Variants in RAB3GAP2 observed in about 807,000 individuals in gnomAD.
The protein encoded by RAB3GAP2 is rab3 GTPase-activating protein non-catalytic subunit.
Under a neutral mutation model 185.3 loss-of-function variants are expected in RAB3GAP2, and 87 were observed. The observed-to-expected ratio is 0.47, with a 90% CI of 0.39 to 0.56. The LOEUF is 0.56. RAB3GAP2 is among the 20% of genes least tolerant of loss of function. The probability of loss-of-function intolerance (pLI) is 0.00; values close to 1 mark genes in which losing one functional copy is unlikely to be tolerated. For missense variants in RAB3GAP2, 1,492 were observed against 1,638.2 expected (o/e 0.91, Z 1.54); for synonymous variants, 554 against 576.1 (o/e 0.96, Z 0.55).
At chr1:220,168,155 C>T (rs1337632851) in intron 24 of RAB3GAP2, among the ~76,000 whole-genome samples, 3 of 152,082 alleles carry the variant, frequency 2.0e-5, no homozygotes, top group Admixed American at 6.5e-5. Flanking sequence ...TGTAGTGGTG[C>T]GATCTCAGCT....
intron 1 of RAB3GAP2, among the ~76,000 whole-genome samples, chr1:220,247,812 C>A (rs1219128622): frequency 6.6e-6 from 1 of 151,690 alleles, no homozygotes; most frequent in African/African-American, 2.4e-5. Flanking sequence ...AAACAGCAAT[C>A]AGCAATAAAA....
chr1:220,179,021 CT>C (rs1658348730), intron 21 of RAB3GAP2, among the ~76,000 whole-genome samples: 1 of 151,606 alleles, frequency 6.6e-6, no homozygotes, highest in South Asian at 2.1e-4. Flanking sequence ...CTAACATAGA[CT>C]GAAAGTGAGG....
In RAB3GAP2 at chr1:220,186,855, A is replaced by T. The variant is rs140126850; in HGVS notation, c.1780-1114T>A. 6.6e-3 allele frequency among the ~76,000 whole-genome samples: 1,001 copies of T among 152,314 alleles called. 12 individuals carry two copies. Among genetic ancestry groups the T allele is most frequent in the African/African-American group, 0.023 (945 of 41,576 alleles). ...TTAGGATAAGAAGAAAGATGGCATA[A>T]AAATGAGAAGAACCGTGTGGGTTAT... On this transcript the variant is annotated intron_variant, in intron 17 of 34. Coordinates refer to ENST00000358951, the MANE Select transcript of RAB3GAP2 (RefSeq NM_012414.4).
intron 1 of RAB3GAP2, among the ~76,000 whole-genome samples, chr1:220,251,427 T>A (rs893372953): frequency 5.9e-5 from 9 of 152,226 alleles, no homozygotes; most frequent in Non-Finnish European, 1.0e-4. Context: ...GATAAACTTT[T>A]GTAAAACAAT....
In RAB3GAP2 at chr1:220,148,638, C is replaced by A. The variant is rs1657671601; in HGVS notation, c.*2613G>T. ...GTGTAAGTCTCATATTATTAAATTT[C>A]AGATTTTTGACTTTTTAGATCGCAA... On this transcript the variant is annotated 3_prime_UTR_variant, in exon 35 of 35. Coordinates refer to ENST00000358951, the MANE Select transcript of RAB3GAP2 (RefSeq NM_012414.4). The A allele has an allele frequency of 6.6e-6, 1 of 152,048 alleles. No homozygotes were observed. The highest frequency in any genetic ancestry group is 2.1e-4 in the South Asian group (1 of 4,820). 9.4% of individuals were successfully genotyped at this position (152,048 alleles called of 1,614,324 possible).
At chr1:220,175,201 T>C (rs1410348225) in intron 21 of RAB3GAP2, among the ~76,000 whole-genome samples, 6 of 152,174 alleles carry the variant, frequency 3.9e-5, no homozygotes, top group Non-Finnish European at 8.8e-5. Flanking sequence ...GGGCCTGTTA[T>C]TAAAGTGCAT....
chr1:220,269,345 A>T (rs1660290590), intron 1 of RAB3GAP2, among the ~76,000 whole-genome samples: 1 of 152,250 alleles, frequency 6.6e-6, no homozygotes, highest in Admixed American at 6.5e-5. Flanking sequence ...AATGGCAGGA[A>T]GCAGAGTCTC....
rs112894499 is a variant in RAB3GAP2, at chr1:220,201,531, G to A, written c.811+745C>T. 1.1e-4 allele frequency among the ~76,000 whole-genome samples: 16 copies of A among 152,024 alleles called. No individual in the cohort carries two copies. The South Asian group carries it at 1.2e-3, about 12-fold the overall frequency. On this transcript the variant is annotated intron_variant, in intron 9 of 34. Coordinates refer to ENST00000358951, the MANE Select transcript of RAB3GAP2 (RefSeq NM_012414.4). ...TTTTGCTTTCTTGAGACAGAGTCTC[G>A]CTCTGTCACCCAGGCTGGAGTGCAG...
rs1313982917 is a variant in RAB3GAP2, at chr1:220,150,200, T to C, written c.*1051A>G. ...AGCGATCCTCCTCCAGCCTCCCGAG[T>C]AGCTATAGTTTGGTTTTAATCAGTA... is the stretch of plus-strand genomic sequence containing the variant. On this transcript the variant is annotated 3_prime_UTR_variant, in exon 35 of 35. Transcript: ENST00000358951. The C allele has an allele frequency of 6.6e-6, 1 of 150,592 alleles. No homozygotes were observed. Among genetic ancestry groups the C allele is most frequent in the African/African-American group, 2.4e-5 (1 of 40,852 alleles). 9.3% of individuals were successfully genotyped at this position (150,592 alleles called of 1,614,324 possible).
intron 2 of RAB3GAP2, among the ~76,000 whole-genome samples, chr1:220,215,935 A>T (rs1359782702): frequency 6.6e-6 from 1 of 152,178 alleles, no homozygotes; most frequent in African/African-American, 2.4e-5. Flanking sequence ...CATTACAAGC[A>T]TTATAAAATT....
At chr1:220,267,616 A>T in intron 1 of RAB3GAP2, 2 of 1,382,320 alleles carry the variant, frequency 1.4e-6, no homozygotes, top group Non-Finnish European at 2.1e-6. Context: ...GACAGCGGGG[A>T]CTGCTTGCTG....
In RAB3GAP2 at chr1:220,191,178, A is replaced by G. The variant is rs1173561219; in HGVS notation, c.1377T>C (p.Ser459=). The G allele has an allele frequency of 2.4e-5, 39 of 1,613,834 alleles. No homozygotes were observed. Among genetic ancestry groups the G allele is most frequent in the Non-Finnish European group, 3.3e-5 (39 of 1,179,966 alleles). ...FSPFGNSQGP[S]RVAQFLVIYA... ...AGATCACAAGGAATTGAGCTACTCG[A>G]CTTGGACCCTGAGAATTTCCAAAGG... The change falls in exon 14 of 35, where the codon AGT becomes AGC. Residue 459 remains serine, a synonymous_variant. Coordinates refer to ENST00000358951, the MANE Select transcript of RAB3GAP2 (RefSeq NM_012414.4).
intron 31 of RAB3GAP2, 27 bp from the exon 32 acceptor site, chr1:220,154,084 G>A (rs560697571): frequency 5.6e-6 from 9 of 1,611,846 alleles, no homozygotes; most frequent in Admixed American, 1.7e-5. Flanking sequence ...CAAGAAAACT[G>A]ATGAGTGTGG....
At chr1:220,251,042 T>A (rs1659921855) in intron 1 of RAB3GAP2, among the ~76,000 whole-genome samples, 1 of 152,144 alleles carries the variant, frequency 6.6e-6, no homozygotes, top group African/African-American at 2.4e-5. Flanking sequence ...TGGACAGAAA[T>A]TGACAAATAA....
chr1:220,266,747 G>A, intron 1 of RAB3GAP2: 1 of 1,587,694 alleles, frequency 6.3e-7, no homozygotes, highest in East Asian at 2.2e-5. Context: ...GCAATTTGAT[G>A]GTTTTGATGA....
chr1:220,231,938 G>T (rs115136282), intron 2 of RAB3GAP2, among the ~76,000 whole-genome samples: 28 of 152,254 alleles, frequency 1.8e-4, no homozygotes, highest in Admixed American at 1.3e-4. Flanking sequence ...ACCAACCCAG[G>T]ATTCCATTCT....
At chr1:220,261,348 T>A (rs1189999342) in intron 1 of RAB3GAP2, among the ~76,000 whole-genome samples, 2 of 152,184 alleles carry the variant, frequency 1.3e-5, no homozygotes, top group East Asian at 3.8e-4. Context: ...TAGTACTCAT[T>A]CAAAAATACT....
At chr1:220,155,992 C>T (rs548111849) in intron 31 of RAB3GAP2, among the ~76,000 whole-genome samples, 89 of 151,636 alleles carry the variant, frequency 5.9e-4, no homozygotes, top group Non-Finnish European at 9.9e-4. Flanking sequence ...ACTCTGTGGC[C>T]CAGGCTGAAG....
intron 1 of RAB3GAP2, among the ~76,000 whole-genome samples, chr1:220,254,714 CT>C (rs377000481): frequency 4.2e-4 from 60 of 143,432 alleles, no homozygotes; most frequent in African/African-American, 6.6e-4. Context: ...TTTTTCTTTT[CT>C]TTTTTTTTTT....
Sources: allele counts gnomAD v4.1 joint callset (sites outside exome capture counted in the v4.1 genomes callset), GRCh38; gene constraint gnomAD v4.1.1; transcripts MANE v1.5; gene names NCBI Gene and HGNC (gene_info 2026-07-23, HGNC 2026-07-21).